Variants in SPATA17 observed in about 807,000 individuals in gnomAD.
SPATA17 encodes the protein spermatogenesis-associated protein 17.
SPATA17 carries 53 observed loss-of-function variants against 62.2 expected under a neutral mutation model. The ratio of observed to expected loss-of-function variants is 0.85; its 90% confidence interval spans 0.68 to 1.07. The LOEUF (loss-of-function observed/expected upper bound fraction) is 1.07. Ranked by LOEUF, SPATA17 falls within the 50% of genes least tolerant of loss-of-function variation. SPATA17 has a pLI of 0.00. For synonymous variants in SPATA17, 146 were observed against 146.8 expected (o/e 0.99, Z 0.04); for missense variants, 466 against 425.5 (o/e 1.10, Z -0.84).
intron 3 of SPATA17, among the ~76,000 whole-genome samples, chr1:217,659,849 CT>C (rs1320910532): frequency 6.6e-6 from 1 of 152,188 alleles, no homozygotes; most frequent in East Asian, 1.9e-4. Flanking sequence ...TACTTTCCCT[CT>C]TAAAAGCCTC....
At chr1:217,713,597 A>G (rs957909438) in intron 5 of SPATA17, among the ~76,000 whole-genome samples, 1 of 152,172 alleles carries the variant, frequency 6.6e-6, no homozygotes, top group Non-Finnish European at 1.5e-5. Context: ...CTTCGTACCT[A>G]CAAGTCACTG....
chr1:217,788,403 G>GGACA (rs1304482671), intron 8 of SPATA17, among the ~76,000 whole-genome samples: 1 of 152,108 alleles, frequency 6.6e-6, no homozygotes, highest in Non-Finnish European at 1.5e-5. Context: ...GAGTCTACAT[G>GGACA]TCCTAATCCT....
At chr1:217,768,283 T>G (rs959277481) in intron 6 of SPATA17, among the ~76,000 whole-genome samples, 1 of 152,018 alleles carries the variant, frequency 6.6e-6, no homozygotes, top group African/African-American at 2.4e-5. Flanking sequence ...CAAGAGATTC[T>G]CATTTTATAC....
chr1:217,666,369 T>A (rs1571717018), intron 3 of SPATA17, among the ~76,000 whole-genome samples: 1 of 152,260 alleles, frequency 6.6e-6, no homozygotes, highest in East Asian at 1.9e-4. Flanking sequence ...CTATGAGTTA[T>A]ATTTTAAGTG....
intron 8 of SPATA17, 123 bp from the exon 9 acceptor site, chr1:217,801,595 G>A (rs1436425188): frequency 1.2e-5 from 8 of 683,560 alleles, no homozygotes; most frequent in Non-Finnish European, 1.8e-5. Context: ...ATGGAATCTA[G>A]GTATTCTGAT....
At chr1:217,761,900 A>C (rs1365871083) in intron 6 of SPATA17, among the ~76,000 whole-genome samples, 1 of 152,188 alleles carries the variant, frequency 6.6e-6, no homozygotes, top group Non-Finnish European at 1.5e-5. Flanking sequence ...ATTACAGTAT[A>C]ATATCAGCCA....
intron 3 of SPATA17, among the ~76,000 whole-genome samples, chr1:217,662,513 A>G (rs1030823439): frequency 1.1e-4 from 16 of 152,172 alleles, no homozygotes; most frequent in Non-Finnish European, 2.4e-4. Context: ...TACTGATGAA[A>G]TCAAGGTTCC....
At chr1:217,775,217 C>T (rs1673557558) in intron 7 of SPATA17, among the ~76,000 whole-genome samples, 1 of 152,058 alleles carries the variant, frequency 6.6e-6, no homozygotes, top group African/African-American at 2.4e-5. Context: ...GCCTATTGGC[C>T]ATTTGTGTGT....
intron 5 of SPATA17, among the ~76,000 whole-genome samples, chr1:217,710,839 T>C (rs1190364617): frequency 6.6e-6 from 1 of 152,094 alleles, no homozygotes; most frequent in African/African-American, 2.4e-5. Flanking sequence ...ATTCTACTTG[T>C]CCCCCCTCAC....
intron 3 of SPATA17, among the ~76,000 whole-genome samples, chr1:217,654,720 T>C (rs1339647102): frequency 2.0e-5 from 3 of 149,858 alleles, no homozygotes; most frequent in African/African-American, 7.3e-5. Flanking sequence ...ACATAATCTT[T>C]TTTTTTTTTT....
intron 9 of SPATA17, among the ~76,000 whole-genome samples, chr1:217,823,491 T>C (rs1190928733): frequency 6.6e-6 from 1 of 151,978 alleles, no homozygotes. Context: ...TGGCAGGTTA[T>C]ACCCAGACTC....
chr1:217,719,228 C>T (rs1189495420), intron 5 of SPATA17, among the ~76,000 whole-genome samples: 1 of 152,196 alleles, frequency 6.6e-6, no homozygotes, highest in African/African-American at 2.4e-5. Flanking sequence ...AAGAAAACAC[C>T]TCTTGAACAG....
intron 5 of SPATA17, among the ~76,000 whole-genome samples, chr1:217,696,813 T>C (rs924527359): frequency 2.0e-5 from 3 of 152,154 alleles, no homozygotes; most frequent in Admixed American, 6.5e-5. Context: ...TCTATCTTCC[T>C]TAAGCTATGA....
intron 6 of SPATA17, among the ~76,000 whole-genome samples, chr1:217,769,789 G>C (rs1457280552): frequency 6.6e-6 from 1 of 152,060 alleles, no homozygotes; most frequent in East Asian, 1.9e-4. Flanking sequence ...TTCCTTCTGG[G>C]GTACTATATC....
At chr1:217,799,566 T>A (rs1051809033) in intron 8 of SPATA17, among the ~76,000 whole-genome samples, 1 of 152,186 alleles carries the variant, frequency 6.6e-6, no homozygotes, top group Admixed American at 6.5e-5. Flanking sequence ...TCTGTAACTT[T>A]GTATAATTCA....
chr1:217,759,835 A>T (rs988312264), intron 6 of SPATA17, among the ~76,000 whole-genome samples: 2 of 152,242 alleles, frequency 1.3e-5, no homozygotes, highest in African/African-American at 4.8e-5. Flanking sequence ...TTATTTGGTC[A>T]TAAGCAATTT....
rs1201521719 is a variant in SPATA17, at chr1:217,631,372, A to G, written c.-7A>G. ...AACACCAGTTGTAAACCCAAGGCCA[A>G]GAGACCATGGCCACGTTAGCCCGGC... On this transcript the variant is annotated 5_prime_UTR_variant, in exon 1 of 11. Coordinates refer to ENST00000366933, the MANE Select transcript of SPATA17 (RefSeq NM_138796.4). 2 of 1,614,114 alleles carry G rather than the reference A, an allele frequency of 1.2e-6. No homozygotes were observed. The highest frequency in any genetic ancestry group is 1.7e-6 in the Non-Finnish European group (2 of 1,179,974).
intron 9 of SPATA17, among the ~76,000 whole-genome samples, chr1:217,836,979 TA>T (rs889615440): frequency 6.0e-4 from 91 of 152,206 alleles, no homozygotes; most frequent in African/African-American, 2.1e-3. Flanking sequence ...TTCCACTCTT[TA>T]AAAAAATTAA....
At chr1:217,829,627 CAAAAAAA>C (rs397982930) in intron 9 of SPATA17, among the ~76,000 whole-genome samples, 56 of 46,756 alleles carry the variant, frequency 1.2e-3, no homozygotes, top group South Asian at 4.3e-3. Flanking sequence ...GACTCCATCT[CAAAAAAA>C]AAAAAAAAAA....
Sources: gnomAD v4.1 joint callset for allele counts (sites outside exome capture counted in the v4.1 genomes callset) on GRCh38, gnomAD v4.1.1 for gene constraint, MANE v1.5 for transcripts, NCBI Gene and HGNC (gene_info 2026-07-23, HGNC 2026-07-21) for gene names.